The following ABCF2 variants were observed in gnomAD, a reference collection of about 807,000 sequenced individuals.
ABCF2 encodes ATP binding cassette subfamily F member 2.
In ABCF2, 37 loss-of-function variants were observed where a neutral mutation model predicts 76.9. The ratio of observed to expected loss-of-function variants is 0.48; its 90% confidence interval spans 0.37 to 0.63. ABCF2 has a LOEUF of 0.63. Among genes scored for constraint, ABCF2 ranks in the 30% least tolerant of loss-of-function variants. The probability of loss-of-function intolerance (pLI) is 0.00; values close to 1 mark genes in which losing one functional copy is unlikely to be tolerated. For synonymous variants in ABCF2, 299 were observed against 283.7 expected (o/e 1.05, Z -0.54); for missense variants, 524 against 782.1 (o/e 0.67, Z 3.94).
Position 151,212,507 on chromosome 7 carries a change from T to G in ABCF2, c.*1547A>C. On this transcript the variant is annotated 3_prime_UTR_variant, in exon 15 of 15. Transcript: ENST00000287844. ...TCTGATGCTCAGCAATCTGAATTTT[T>G]TTATTTTTTTGAGACAGTGTCTCGG... 1 of 985,448 alleles carries G rather than the reference T, an allele frequency of 1.0e-6. No homozygotes were observed. Among genetic ancestry groups the G allele is most frequent in the Non-Finnish European group, 1.2e-6 (1 of 829,918 alleles). 61.0% of individuals were successfully genotyped at this position (985,448 alleles called of 1,614,324 possible). A position where few individuals can be genotyped will look rare whatever the true frequency, so the allele number is the denominator to read the frequency against.
At position 151,213,153 on chromosome 7, in the gene ABCF2, C is replaced by G. The variant is rs1802081481; in HGVS notation, c.*901G>C. The G allele has an allele frequency of 1.0e-6, 1 of 985,250 alleles. No homozygotes were observed. Among genetic ancestry groups the G allele is most frequent in the South Asian group, 4.7e-5 (1 of 21,282 alleles). 61.0% of individuals were successfully genotyped at this position (985,250 alleles called of 1,614,324 possible). A position where few individuals can be genotyped will look rare whatever the true frequency, so the allele number is the denominator to read the frequency against. ...AACCACGCTCCTGGACAGTGGTTCT[C>G]AAAATAGTCTCTAGACCAGCAACAA... On this transcript the variant is annotated 3_prime_UTR_variant, in exon 15 of 15. Transcript: ENST00000287844.
rs1408109899 is a variant in ABCF2 at position 151,214,947 on chromosome 7, C to G, written c.1666G>C (p.Ala556Pro). ...CCCTCAAACTCATTGATGGCATCTG[C>G]CAGGGCGTCGATGGTCTCGATATCC... ...HLDIETIDALADAINEFEGGM... is the reference protein window; with the variant it reads ...HLDIETIDALPDAINEFEGGM... Residue 556 changes from alanine (A) to proline (P), a missense_variant, in exon 14 of 15, where the codon GCA (alanine) becomes CCA (proline). Physicochemically the swap from Ala to Pro is conservative, Grantham distance 27. This residue lies in a region of ABCF2 where 194 missense variants were observed against 348.6 expected (regional missense o/e 0.56). Coordinates refer to ENST00000287844, the MANE Select transcript of ABCF2 (RefSeq NM_007189.3). The surrounding 1 kb of genome is among the most constrained non-coding windows in gnomAD (Gnocchi z 4.9). 1 of 1,614,092 alleles carries G rather than the reference C, an allele frequency of 6.2e-7. No homozygotes were observed. Among genetic ancestry groups the G allele is most frequent in the African/African-American group, 1.3e-5 (1 of 74,920 alleles).
At position 151,212,688 on chromosome 7, in the gene ABCF2, C is replaced by T. The variant is rs568116186; in HGVS notation, c.*1366G>A. On this transcript the variant is annotated 3_prime_UTR_variant, in exon 15 of 15. Coordinates refer to ENST00000287844, the MANE Select transcript of ABCF2 (RefSeq NM_007189.3). ...TTACTATTTGTAGAGAAGGGGTCTC[C>T]CTACTTTGCCCAGGCTGGTCTTGAA... 7.7e-4 allele frequency: 138 copies of T among 178,810 alleles called. 1 individual carries two copies. The highest frequency in any genetic ancestry group is 1.2e-3 in the Non-Finnish European group (107 of 92,496). 11.1% of individuals were successfully genotyped at this position (178,810 alleles called of 1,614,324 possible).
chr7:151,215,252 C>T lies in ABCF2; in HGVS notation c.1531-170G>A, dbSNP rs199818711. 6.6e-6 allele frequency among the ~76,000 whole-genome samples: 1 copy of T among 152,112 alleles called. No homozygotes were observed. Among genetic ancestry groups the T allele is most frequent in the African/African-American group, 2.4e-5 (1 of 41,408 alleles). ...GGCCTGAAAGAGACTCATCCGGAAACCTGAAGCCCTTGCCATTACTAAGCC... is the reference window on the plus strand; with the variant it reads ...GGCCTGAAAGAGACTCATCCGGAAATCTGAAGCCCTTGCCATTACTAAGCC... On this transcript the variant is annotated intron_variant, in intron 13 of 14. Transcript: ENST00000287844. The surrounding 1 kb of genome is among the most constrained non-coding windows in gnomAD (Gnocchi z 4.6).
chr7:151,224,876 G>C lies in ABCF2; in HGVS notation c.267C>G (p.Ile89Met). Residue 89 changes from isoleucine to methionine, a missense_variant, in exon 3 of 15, where the codon ATC becomes ATG. Physicochemically the swap from Ile to Met is conservative, Grantham distance 10. This residue lies in a region of ABCF2 where 330 missense variants were observed against 433.6 expected (regional missense o/e 0.76). Transcript: ENST00000287844. ...SHPNSTDVHIINLSLTFHGQE... is the reference protein window; with the variant it reads ...SHPNSTDVHIMNLSLTFHGQE... Reference sequence around the variant, plus strand: ...GACCATGAAAGGTAAGTGAGAGGTTGATGATGTGAACATCAGTACTGTTGG... The same window carrying C: ...GACCATGAAAGGTAAGTGAGAGGTTCATGATGTGAACATCAGTACTGTTGG... The C allele has an allele frequency of 5.6e-6, 9 of 1,614,020 alleles. No homozygotes were observed. The highest frequency in any genetic ancestry group is 7.6e-6 in the Non-Finnish European group (9 of 1,179,852).
Position 151,219,163 on chromosome 7 carries a change from C to T in ABCF2, c.922-4G>A. On this transcript the variant is annotated splice_region_variant and splice_polypyrimidine_tract_variant and intron_variant, in intron 7 of 14. Coordinates refer to ENST00000287844, the MANE Select transcript of ABCF2 (RefSeq NM_007189.3). ...TCACGTACTGATCATAATTACCCTG[C>T]ATGGAAATGTGCCAGGTAAGGCAGG... 1 of 1,613,570 alleles carries T rather than the reference C, an allele frequency of 6.2e-7. No homozygotes were observed. The highest frequency in any genetic ancestry group is 1.1e-5 in the South Asian group (1 of 91,072).
In ABCF2 at chr7:151,218,542, T is replaced by C. The variant is rs748329981; in HGVS notation, c.1227+19A>G. Reference sequence around the variant, plus strand: ...CCCTAAGATACACCCCAGCCACCCATGCCCTGCCCTGAACTTACCCCATCT... The same window carrying C: ...CCCTAAGATACACCCCAGCCACCCACGCCCTGCCCTGAACTTACCCCATCT... On this transcript the variant is annotated intron_variant, in intron 10 of 14. Coordinates refer to ENST00000287844, the MANE Select transcript of ABCF2 (RefSeq NM_007189.3). The C allele has an allele frequency of 1.2e-5, 19 of 1,607,116 alleles. No individual in the cohort carries two copies. The highest frequency in any genetic ancestry group is 4.4e-5 in the South Asian group (4 of 90,924).
chr7:151,215,570 A>G lies in ABCF2; in HGVS notation c.1530+34T>C, dbSNP rs775046442. 3.1e-6 allele frequency: 5 copies of G among 1,612,174 alleles called. No homozygotes were observed. The African/African-American group carries it at 4.0e-5, about 13-fold the overall frequency. On this transcript the variant is annotated intron_variant, in intron 13 of 14. Coordinates refer to ENST00000287844, the MANE Select transcript of ABCF2 (RefSeq NM_007189.3). The surrounding 1 kb of genome is among the most constrained non-coding windows in gnomAD (Gnocchi z 4.6). ...CCCACCCAGCCACAGTCTGCCAGCT[A>G]TCTGGCATCCTCACCACACCCTCCT...
At position 151,211,565 on chromosome 7, in the gene ABCF2, T is replaced by C. The variant is rs1034171941; in HGVS notation, c.*2489A>G. 3 of 985,432 alleles carry C rather than the reference T, an allele frequency of 3.0e-6. No homozygotes were observed. Among genetic ancestry groups the C allele is most frequent in the Non-Finnish European group, 3.6e-6 (3 of 829,892 alleles). The allele number at this position is 985,432 out of a possible 1,614,324, so 61.0% of individuals were successfully genotyped here. On this transcript the variant is annotated 3_prime_UTR_variant, in exon 15 of 15. Coordinates refer to ENST00000287844, the MANE Select transcript of ABCF2 (RefSeq NM_007189.3). ...TTGACATTTTTCTTGACAAATAAGC[T>C]GACTAGACTATTTCCATTCCTCCAG...
intron 6 of ABCF2, chr7:151,221,936 G>C (rs1320071334): frequency 4.6e-6 from 2 of 431,056 alleles, no homozygotes; most frequent in Non-Finnish European, 8.6e-6. Context: ...GATGGAGACG[G>C]TAGTAACAGT....
chr7:151,221,502 T>TG, intron 7 of ABCF2, 76 bp downstream of exon 7: 3 of 773,646 alleles, frequency 3.9e-6, no homozygotes, highest in East Asian at 3.8e-5. Context: ...ACACCAGCCT[T>TG]TTTTTTTTTT....
chr7:151,223,557 A>C, intron 5 of ABCF2, 121 bp downstream of exon 5: 1 of 1,160,542 alleles, frequency 8.6e-7, no homozygotes, highest in Non-Finnish European at 1.2e-6. Context: ...CACACTGCAG[A>C]TGTCCATGTC....
rs991957245 is a variant in ABCF2 at position 151,215,305 on chromosome 7, T to C, written c.1531-223A>G. Among the ~76,000 whole-genome samples the C allele has an allele frequency of 6.6e-6, 1 of 152,196 alleles. No homozygotes were observed. The highest frequency in any genetic ancestry group is 1.5e-5 in the Non-Finnish European group (1 of 68,026). On this transcript the variant is annotated intron_variant, in intron 13 of 14. Transcript: ENST00000287844. This position sits in a 1 kb window ranked among gnomAD's most constrained non-coding sequence, Gnocchi z 4.6. ...CACCTCTCGCTCTCTTGGCAATGAA[T>C]TGGATCCTTCCAGATCTGAATCCAG...
At chr7:151,221,263 G>A (rs13239247) in intron 7 of ABCF2, among the ~76,000 whole-genome samples, 15,651 of 150,334 alleles carry the variant, frequency 0.1, 878 homozygotes, top group African/African-American at 0.14. Flanking sequence ...GCAGTGGTGT[G>A]ATCTCAGCTC....
intron 7 of ABCF2, among the ~76,000 whole-genome samples, chr7:151,219,787 C>A (rs1802230024): frequency 6.6e-6 from 1 of 152,196 alleles, no homozygotes; most frequent in Admixed American, 6.5e-5. Flanking sequence ...AAAAAGCAAC[C>A]TACAGAATGA....
At position 151,218,629 on chromosome 7, in the gene ABCF2, G is replaced by C. The variant is rs777136951; in HGVS notation, c.1159C>G (p.Pro387Ala). The change falls in exon 10 of 15, where the codon CCA becomes GCA. Residue 387 changes from proline to alanine, a missense_variant. Physicochemically the swap from Pro to Ala is conservative, Grantham distance 27. Around this residue, in one of 2 missense-constraint regions of ABCF2, gnomAD observed 194 missense variants for 348.6 expected, o/e 0.56. Transcript: ENST00000287844. ...SDKTLSFYFPPCGKIPPPVIM... is the reference protein window; with the variant it reads ...SDKTLSFYFPACGKIPPPVIM... ...ACAGGTGGAGGGATCTTGCCACATGGTGGGAAATAAAATGACAGTGTCTAG... is the reference window on the plus strand; with the variant it reads ...ACAGGTGGAGGGATCTTGCCACATGCTGGGAAATAAAATGACAGTGTCTAG... 6.2e-7 allele frequency: 1 copy of C among 1,614,084 alleles called. No homozygotes were observed. Among genetic ancestry groups the C allele is most frequent in the Non-Finnish European group, 8.5e-7 (1 of 1,179,992 alleles).
rs1563612595 is a variant in ABCF2 at position 151,219,109 on chromosome 7, C to T, written c.972G>A (p.Gln324=). 2.6e-5 allele frequency: 42 copies of T among 1,613,990 alleles called. No individual in the cohort carries two copies. Among genetic ancestry groups the T allele is most frequent in the Non-Finnish European group, 3.3e-5 (39 of 1,180,048 alleles). Residue 324 remains glutamine, a synonymous_variant, in exon 8 of 15, where the codon CAG becomes CAA. Coordinates refer to ENST00000287844, the MANE Select transcript of ABCF2 (RefSeq NM_007189.3). ...VKTRLELEEN[Q]MKRFHWEQDQ... ...CTTGCTCCCAGTGAAACCTCTTCAT[C>T]TGGTTCTCCTCCAGCTCTAGCCGCG... is the stretch of plus-strand genomic sequence containing the variant.
chr7:151,219,028 CAGG>C (rs35656219), intron 8 of ABCF2, 33 bp downstream of exon 8: 666,712 of 1,611,916 alleles, frequency 0.41, 141,316 homozygotes, highest in East Asian at 0.72. Context: ...TTCTTTCAGA[CAGG>C]AGGCCATGAG....
At chr7:151,224,487 C>T (rs1255998141) in intron 3 of ABCF2, among the ~76,000 whole-genome samples, 5 of 152,188 alleles carry the variant, frequency 3.3e-5, no homozygotes, top group Non-Finnish European at 7.3e-5. Context: ...AGGAAATGCT[C>T]ACTGGAGAAT....
Sources: gnomAD v4.1 joint callset for allele counts (sites outside exome capture counted in the v4.1 genomes callset) on GRCh38, gnomAD v4.1.1 for gene constraint, gnomAD v4.1.1 regional missense constraint, Gnocchi (gnomAD v3.1) non-coding constraint, MANE v1.5 for transcripts, NCBI Gene and HGNC (gene_info 2026-07-23, HGNC 2026-07-21) for gene names.